Variants in FRMD4A observed in about 807,000 individuals in gnomAD.
FRMD4A encodes FERM domain-containing protein 4A.
FRMD4A carries 29 observed loss-of-function variants against 129.1 expected under a neutral mutation model. The observed-to-expected ratio is 0.22, with a 90% CI of 0.17 to 0.31. The LOEUF (loss-of-function observed/expected upper bound fraction) is 0.31. Among genes scored for constraint, FRMD4A ranks in the 10% least tolerant of loss-of-function variants. The probability of loss-of-function intolerance (pLI) is 1.00; values close to 1 mark genes in which losing one functional copy is unlikely to be tolerated. For missense variants in FRMD4A, 1,272 were observed against 1,375.8 expected (o/e 0.92, Z 1.19); for synonymous variants, 634 against 571.6 (o/e 1.11, Z -1.56).
intron 2 of FRMD4A, among the ~76,000 whole-genome samples, chr10:14,109,049 A>T (rs1449363899): frequency 1.3e-5 from 2 of 152,032 alleles, no homozygotes; most frequent in Admixed American, 6.6e-5. Flanking sequence ...CCTATCTCTT[A>T]TTACTTTCTA....
chr10:14,279,387 T>G (rs1845446167), intron 2 of FRMD4A, among the ~76,000 whole-genome samples: 1 of 151,964 alleles, frequency 6.6e-6, no homozygotes, highest in African/African-American at 2.4e-5. Flanking sequence ...TTAGTAGAGA[T>G]GGGGTTTCAC....
At chr10:13,934,763 A>G (rs12776438) in intron 2 of FRMD4A, among the ~76,000 whole-genome samples, 1 of 152,242 alleles carries the variant, frequency 6.6e-6, no homozygotes, top group Non-Finnish European at 1.5e-5. Context: ...CATGATAATT[A>G]CCTAGTAAAA....
intron 2 of FRMD4A, among the ~76,000 whole-genome samples, chr10:14,193,081 C>T (rs952909612): frequency 4.6e-5 from 7 of 152,216 alleles, no homozygotes; most frequent in Admixed American, 3.3e-4. Flanking sequence ...TACCCTGGGC[C>T]ATCCATGGCT....
intron 2 of FRMD4A, among the ~76,000 whole-genome samples, chr10:14,136,344 G>T (rs1407946930): frequency 6.6e-6 from 1 of 152,100 alleles, no homozygotes; most frequent in Non-Finnish European, 1.5e-5. Context: ...ATTCCTTGTG[G>T]ACCTTGAGAT....
At chr10:13,848,659 C>T (rs1313403873) in intron 3 of FRMD4A, among the ~76,000 whole-genome samples, 1 of 145,874 alleles carries the variant, frequency 6.9e-6, no homozygotes, top group African/African-American at 2.5e-5. Context: ...AGGGGGTTCC[C>T]TAGATGATCG....
At chr10:13,771,752 G>A (rs899675631) in intron 6 of FRMD4A, among the ~76,000 whole-genome samples, 1 of 151,994 alleles carries the variant, frequency 6.6e-6, no homozygotes, top group Non-Finnish European at 1.5e-5. Flanking sequence ...GCTTTTAGAC[G>A]AAGCATAATT....
chr10:13,885,774 A>T (rs2094611719), intron 2 of FRMD4A, among the ~76,000 whole-genome samples: 1 of 152,150 alleles, frequency 6.6e-6, no homozygotes, highest in Non-Finnish European at 1.5e-5. Flanking sequence ...CATCTGTGCT[A>T]CTGGTCACTC....
intron 7 of FRMD4A, 65 bp from the exon 8 acceptor site, chr10:13,761,734 A>G: frequency 9.4e-7 from 1 of 1,067,232 alleles, no homozygotes; most frequent in Non-Finnish European, 1.4e-6. Flanking sequence ...TCTAAAGTAC[A>G]TTCTATAATC....
chr10:14,074,619 T>G (rs1454532897), intron 2 of FRMD4A: 1 of 152,168 alleles, frequency 6.6e-6, no homozygotes, highest in Non-Finnish European at 1.5e-5. Flanking sequence ...AGGGCACTGA[T>G]TTAATCTGCA....
chr10:13,992,947 T>C (rs1472731494), intron 2 of FRMD4A, among the ~76,000 whole-genome samples: 1 of 96,512 alleles, frequency 1.0e-5, no homozygotes, highest in Non-Finnish European at 2.0e-5. Context: ...AGTGAGACTC[T>C]GTCTCAAAAA....
chr10:13,912,227 G>T (rs951604337), intron 2 of FRMD4A, among the ~76,000 whole-genome samples: 3 of 152,248 alleles, frequency 2.0e-5, no homozygotes, highest in Middle Eastern at 3.4e-3. Flanking sequence ...TCCTACAGTA[G>T]CAGTGTTGGG....
chr10:13,875,757 C>T (rs2094482668), intron 2 of FRMD4A, among the ~76,000 whole-genome samples: 1 of 152,118 alleles, frequency 6.6e-6, no homozygotes, highest in African/African-American at 2.4e-5. Context: ...GCATCGGTGG[C>T]CTACATATCA....
At chr10:14,127,908 T>TTCTG (rs1838935545) in intron 2 of FRMD4A, among the ~76,000 whole-genome samples, 7 of 1,714 alleles carry the variant, frequency 4.1e-3, no homozygotes, top group African/African-American at 0.019. Flanking sequence ...ATATTTTGCT[T>TTCTG]TCTTTCTTTC....
chr10:13,765,260 G>A (rs761600822), intron 6 of FRMD4A, among the ~76,000 whole-genome samples: 5 of 151,550 alleles, frequency 3.3e-5, no homozygotes, highest in Admixed American at 6.6e-5. Flanking sequence ...GATTACAGGC[G>A]CCCACCACCA....
rs752006418 is a variant in FRMD4A at position 13,761,685 on chromosome 10, T to C, written c.442-16A>G. 1 of 1,587,014 alleles carries C rather than the reference T, an allele frequency of 6.3e-7. No individual in the cohort carries two copies. The highest frequency in any genetic ancestry group is 2.2e-5 in the East Asian group (1 of 44,708). The stretch of plus-strand genomic sequence containing the variant: ...CCTTTGCCTCCTGTAGAAGAAAAAA[T>C]TCAACATCAGCGAAATACACTAAGC... On this transcript the variant is annotated splice_polypyrimidine_tract_variant and intron_variant, in intron 7 of 24. Coordinates refer to ENST00000357447, the MANE Select transcript of FRMD4A (RefSeq NM_018027.5).
chr10:13,897,727 A>C (rs1448558793), intron 2 of FRMD4A, among the ~76,000 whole-genome samples: 1 of 152,032 alleles, frequency 6.6e-6, no homozygotes, highest in Non-Finnish European at 1.5e-5. Context: ...ACCTGAGGCC[A>C]GGAGTTCAAG....
Position 13,763,144 on chromosome 10 carries a change from C to T in FRMD4A, c.385-464G>A, listed in dbSNP as rs1056564254. 2.0e-5 allele frequency among the ~76,000 whole-genome samples: 3 copies of T among 152,220 alleles called. No homozygotes were observed. The South Asian group carries it at 6.2e-4, about 32-fold the overall frequency. On this transcript the variant is annotated intron_variant, in intron 6 of 24. Transcript: ENST00000357447. ...CTCTTAGCTGGGATGGACTAGGGGA[C>T]CTGGGCCTACCCGACTATCTCAAGG...
rs2086812439 is a variant in FRMD4A at position 13,701,321 on chromosome 10, G to A, written c.975+19C>T. 6.2e-7 allele frequency: 1 copy of A among 1,606,726 alleles called. No homozygotes were observed. The highest frequency in any genetic ancestry group is 8.5e-7 in the Non-Finnish European group (1 of 1,175,188). On this transcript the variant is annotated intron_variant, in intron 14 of 24. Transcript: ENST00000357447. ...AGGCAGACAATGGCCCGGGCTTGGT[G>A]AGAGGTCTGGTCACTCACCTTACTC...
At chr10:14,049,113 T>C (rs61012171) in intron 2 of FRMD4A, among the ~76,000 whole-genome samples, 8,163 of 152,260 alleles carry the variant, frequency 0.054, 382 homozygotes, top group East Asian at 0.13. Flanking sequence ...AAGTCTTGGC[T>C]GTGTCTACTG....
Sources: allele counts gnomAD v4.1 joint callset (sites outside exome capture counted in the v4.1 genomes callset), GRCh38; gene constraint gnomAD v4.1.1; transcripts MANE v1.5; gene names NCBI Gene and HGNC (gene_info 2026-07-23, HGNC 2026-07-21).